Variants in EFCAB11 observed in about 807,000 individuals in gnomAD.
EFCAB11 encodes EF-hand calcium-binding domain-containing protein 11.
EFCAB11 carries 14 observed loss-of-function variants against 23.0 expected under a neutral mutation model. The observed-to-expected ratio is 0.61, with a 90% CI of 0.40 to 0.95. The LOEUF (loss-of-function observed/expected upper bound fraction) is 0.95. EFCAB11 is among the 40% of genes least tolerant of loss of function. EFCAB11 has a pLI of 0.00. For synonymous variants in EFCAB11, 65 were observed against 66.6 expected (o/e 0.98, Z 0.11); for missense variants, 198 against 195.8 (o/e 1.01, Z -0.07).
At position 89,890,193 on chromosome 14, in the gene EFCAB11, G is replaced by C. The variant is rs8011020; in HGVS notation, c.410+41348C>G. On this transcript the variant is annotated intron_variant, in intron 5 of 5. Coordinates refer to ENST00000316738, the MANE Select transcript of EFCAB11 (RefSeq NM_145231.4). ...TGCATGATTTCTTCTCATAAATAAT[G>C]AATGCAATAAAAATGTTAAGCTTCA... Among the ~76,000 whole-genome samples the C allele has an allele frequency of 3.4e-3, 522 of 152,212 alleles. 1 individual carries two copies. Among genetic ancestry groups the C allele is most frequent in the African/African-American group, 0.012 (502 of 41,516 alleles).
At chr14:89,899,536 C>A (rs1889279926) in intron 5 of EFCAB11, among the ~76,000 whole-genome samples, 2 of 152,120 alleles carry the variant, frequency 1.3e-5, no homozygotes, top group Non-Finnish European at 2.9e-5. Context: ...ATCCCTCCCC[C>A]ACAAAAAGTG....
At chr14:89,833,465 C>T (rs947397332) in intron 5 of EFCAB11, among the ~76,000 whole-genome samples, 4 of 152,222 alleles carry the variant, frequency 2.6e-5, no homozygotes, top group African/African-American at 4.8e-5. Context: ...AATTATTTGT[C>T]GGATGAATGA....
At chr14:89,885,977 A>G (rs377662977) in intron 5 of EFCAB11, among the ~76,000 whole-genome samples, 20 of 152,190 alleles carry the variant, frequency 1.3e-4, no homozygotes, top group Middle Eastern at 6.8e-3. Context: ...TGAAGAAAAC[A>G]CAAAGCTCTA....
At chr14:89,847,186 C>T (rs1359770093) in intron 5 of EFCAB11, among the ~76,000 whole-genome samples, 1 of 152,152 alleles carries the variant, frequency 6.6e-6, no homozygotes, top group African/African-American at 2.4e-5. Context: ...TCCAAATAAC[C>T]TTTTTAAATT....
At chr14:89,945,773 C>A (rs1890956913) in intron 3 of EFCAB11, among the ~76,000 whole-genome samples, 1 of 152,042 alleles carries the variant, frequency 6.6e-6, no homozygotes, top group Non-Finnish European at 1.5e-5. Context: ...TCTCCTATAT[C>A]CTTATTGATT....
At chr14:89,944,625 G>GA (rs1317420064) in intron 3 of EFCAB11, among the ~76,000 whole-genome samples, 1 of 151,880 alleles carries the variant, frequency 6.6e-6, no homozygotes, top group Non-Finnish European at 1.5e-5. Context: ...AAACCCTAAT[G>GA]AAAAAAATGT....
chr14:89,928,872 T>C (rs1233968500), intron 5 of EFCAB11, among the ~76,000 whole-genome samples: 3 of 147,468 alleles, frequency 2.0e-5, no homozygotes, highest in South Asian at 4.2e-4. Context: ...TCTATAATTA[T>C]ATATTACATA....
chr14:89,887,229 C>A (rs752831494), intron 5 of EFCAB11, among the ~76,000 whole-genome samples: 1 of 152,166 alleles, frequency 6.6e-6, no homozygotes, highest in Non-Finnish European at 1.5e-5. Context: ...TAAAACCAGG[C>A]AGCAGAGATT....
intron 5 of EFCAB11, chr14:89,924,807 T>C: frequency 9.6e-7 from 1 of 1,045,352 alleles, no homozygotes; most frequent in Non-Finnish European, 1.4e-6. Flanking sequence ...TCTTTCCTAG[T>C]TTATGAGAAA....
chr14:89,855,941 G>A (rs1887737923), intron 5 of EFCAB11, among the ~76,000 whole-genome samples: 1 of 152,152 alleles, frequency 6.6e-6, no homozygotes, highest in Admixed American at 6.5e-5. Flanking sequence ...GTTCATCCAT[G>A]TGGTGACAAC....
At chr14:89,907,369 T>C (rs1429959805) in intron 5 of EFCAB11, among the ~76,000 whole-genome samples, 1 of 152,252 alleles carries the variant, frequency 6.6e-6, no homozygotes, top group Non-Finnish European at 1.5e-5. Flanking sequence ...ACAGATGTTT[T>C]TGGCCATTAA....
chr14:89,950,061 T>C (rs1891113551), intron 3 of EFCAB11, 36 bp downstream of exon 3: 2 of 1,504,940 alleles, frequency 1.3e-6, no homozygotes, highest in Admixed American at 1.9e-5. Context: ...AGTGTCTAAA[T>C]AAGGTACTAA....
At chr14:89,870,985 C>T (rs1888251943) in intron 5 of EFCAB11, among the ~76,000 whole-genome samples, 3 of 152,112 alleles carry the variant, frequency 2.0e-5, no homozygotes, top group Admixed American at 2.0e-4. Flanking sequence ...CCGCTGTGTT[C>T]CTTCTTGATA....
intron 5 of EFCAB11, chr14:89,924,586 C>A (rs1214586222): frequency 6.5e-7 from 1 of 1,532,006 alleles, no homozygotes; most frequent in Non-Finnish European, 8.7e-7. Context: ...GCCAGAAATA[C>A]CACAGGGTGT....
intron 5 of EFCAB11, among the ~76,000 whole-genome samples, chr14:89,891,829 C>G (rs892790723): frequency 2.6e-5 from 4 of 151,984 alleles, no homozygotes; most frequent in African/African-American, 9.7e-5. Flanking sequence ...AATTTCGGGT[C>G]GCGCTGCTGG....
rs558610869 is a variant in EFCAB11, at chr14:89,807,171, T to C, written c.411-9847A>G. ...AAGAACAGCTATTCTGAAGAGCTTT[T>C]CCCTCTATGCTCAATAGATTTCTAG... On this transcript the variant is annotated intron_variant, in intron 5 of 5. Transcript: ENST00000316738. Among the ~76,000 whole-genome samples, 14 of 152,370 alleles carry C rather than the reference T, an allele frequency of 9.2e-5. No individual in the cohort carries two copies. The Middle Eastern group carries it at 0.014, about 148-fold the overall frequency.
At chr14:89,854,572 C>T (rs1887693810) in intron 5 of EFCAB11, among the ~76,000 whole-genome samples, 1 of 152,140 alleles carries the variant, frequency 6.6e-6, no homozygotes, top group Non-Finnish European at 1.5e-5. Flanking sequence ...CCAGATGTCC[C>T]CAGACAGTTG....
At chr14:89,883,625 T>TA (rs573284229) in intron 5 of EFCAB11, among the ~76,000 whole-genome samples, 1 of 152,036 alleles carries the variant, frequency 6.6e-6, no homozygotes, top group African/African-American at 2.4e-5. Context: ...AGATGTAACT[T>TA]AAAAAAAATA....
At chr14:89,838,874 G>A (rs1887167459) in intron 5 of EFCAB11, among the ~76,000 whole-genome samples, 1 of 152,232 alleles carries the variant, frequency 6.6e-6, no homozygotes, top group African/African-American at 2.4e-5. Flanking sequence ...TCCTGGTAAT[G>A]ATCCAGGGTA....
Sources: gnomAD v4.1 joint callset for allele counts (sites outside exome capture counted in the v4.1 genomes callset) on GRCh38, gnomAD v4.1.1 for gene constraint, MANE v1.5 for transcripts, NCBI Gene and HGNC (gene_info 2026-07-23, HGNC 2026-07-21) for gene names.